SIPA1L1: variants seen among roughly 807,000 people sequenced by gnomAD.
The protein encoded by SIPA1L1 is signal-induced proliferation-associated 1-like protein 1.
SIPA1L1 carries 26 observed loss-of-function variants against 162.7 expected under a neutral mutation model. The observed-to-expected ratio is 0.16, with a 90% CI of 0.12 to 0.22. The LOEUF (loss-of-function observed/expected upper bound fraction) is 0.22, where lower values mean the gene tolerates loss of function less well. Among genes scored for constraint, SIPA1L1 ranks in the 10% least tolerant of loss-of-function variants. SIPA1L1 has a pLI of 1.00. For missense variants in SIPA1L1, 1,874 were observed against 2,241.0 expected (o/e 0.84, Z 3.31); for synonymous variants, 829 against 837.4 (o/e 0.99, Z 0.17).
At chr14:71,590,175 TA>T (rs1276047064) in intron 5 of SIPA1L1, among the ~76,000 whole-genome samples, 3 of 151,474 alleles carry the variant, frequency 2.0e-5, no homozygotes, top group Non-Finnish European at 4.4e-5. Flanking sequence ...CATTGTGATT[TA>T]CCGAAAAGTA....
chr14:71,723,985 A>G, intron 18 of SIPA1L1, 99 bp downstream of exon 18: 1 of 1,444,676 alleles, frequency 6.9e-7, no homozygotes, highest in Non-Finnish European at 9.4e-7. Context: ...AGGCCGGGCT[A>G]GGGGGTTGGC....
chr14:71,619,887 A>G (rs1296017125), intron 6 of SIPA1L1, among the ~76,000 whole-genome samples: 4 of 152,210 alleles, frequency 2.6e-5, no homozygotes, highest in East Asian at 3.8e-4. Context: ...TGTTGTCTAC[A>G]CTGGCCAGAG....
chr14:71,511,850 G>A (rs1255512683), intron 2 of SIPA1L1, among the ~76,000 whole-genome samples: 1 of 152,184 alleles, frequency 6.6e-6, no homozygotes, highest in African/African-American at 2.4e-5. Context: ...GAGTTTTCCA[G>A]AAAACTCTTC....
chr14:71,555,732 G>A (rs549544245), intron 4 of SIPA1L1, among the ~76,000 whole-genome samples: 59 of 152,142 alleles, frequency 3.9e-4, no homozygotes, highest in African/African-American at 1.3e-3. Flanking sequence ...TTCAAGTTTC[G>A]CTTGAACTTA....
intron 4 of SIPA1L1, among the ~76,000 whole-genome samples, chr14:71,562,438 A>G (rs2056869240): frequency 6.6e-6 from 1 of 152,046 alleles, no homozygotes; most frequent in Non-Finnish European, 1.5e-5. Flanking sequence ...TTCATGTTTT[A>G]GTTATATGGA....
intron 5 of SIPA1L1, among the ~76,000 whole-genome samples, chr14:71,596,549 A>G (rs970651248): frequency 6.6e-6 from 1 of 152,348 alleles, no homozygotes. Flanking sequence ...AAAAATTAAA[A>G]TAACTGCACA....
chr14:71,627,660 A>G (rs1170783834), intron 7 of SIPA1L1, among the ~76,000 whole-genome samples: 4 of 152,162 alleles, frequency 2.6e-5, no homozygotes, highest in Admixed American at 6.5e-5. Flanking sequence ...TCATTTTACT[A>G]TGTTCTAATC....
intron 4 of SIPA1L1, among the ~76,000 whole-genome samples, chr14:71,579,691 A>G (rs1361644916): frequency 1.3e-5 from 2 of 152,234 alleles, no homozygotes; most frequent in African/African-American, 4.8e-5. Context: ...TAAGGGAAAT[A>G]TGCTTACTGT....
intron 16 of SIPA1L1, 137 bp downstream of exon 16, chr14:71,705,477 GGCCTT>G (rs2082371768): frequency 1.4e-6 from 1 of 710,142 alleles, no homozygotes; most frequent in South Asian, 1.7e-5. Context: ...TTGCTGCCAT[GGCCTT>G]GCAGTTTCTG....
rs561394977 is a variant in SIPA1L1 at position 71,600,223 on chromosome 14, T to C, written c.1498+10853T>C. ...CCTGGAGCATTTCTCCTTTGCCTTC[T>C]TCTAGTAGCCTTATAGTTTCAGGTC... On this transcript the variant is annotated intron_variant, in intron 5 of 23. Coordinates refer to ENST00000381232, the MANE Select transcript of SIPA1L1 (RefSeq NM_001386936.1). Among the ~76,000 whole-genome samples, 34 of 152,314 alleles carry C rather than the reference T, an allele frequency of 2.2e-4. No individual in the cohort carries two copies. The South Asian group carries it at 6.6e-3, about 30-fold the overall frequency.
At chr14:71,565,807 C>T (rs1234698935) in intron 4 of SIPA1L1, among the ~76,000 whole-genome samples, 1 of 118,570 alleles carries the variant, frequency 8.4e-6, no homozygotes, top group Non-Finnish European at 1.7e-5. Flanking sequence ...TGGAAAACTC[C>T]TTTATAGAAA....
At chr14:71,521,163 C>A (rs866109115) in intron 3 of SIPA1L1, among the ~76,000 whole-genome samples, 2 of 152,146 alleles carry the variant, frequency 1.3e-5, no homozygotes, top group Non-Finnish European at 2.9e-5. Flanking sequence ...AGAAAGATTT[C>A]TTTTTCTTTC....
intron 2 of SIPA1L1, among the ~76,000 whole-genome samples, chr14:71,464,667 AAAAC>A (rs1018894769): frequency 1.6e-4 from 25 of 151,906 alleles, no homozygotes; most frequent in African/African-American, 5.1e-4. Context: ...CAAAACAAAA[AAAAC>A]AAACAGAGTC....
intron 2 of SIPA1L1, among the ~76,000 whole-genome samples, chr14:71,333,123 G>GT (rs1488088895): frequency 3.3e-5 from 5 of 152,124 alleles, no homozygotes; most frequent in African/African-American, 1.2e-4. Context: ...CCTTTCTGTT[G>GT]TTACAGGTAG....
At chr14:71,582,873 A>C (rs551732777) in intron 4 of SIPA1L1, among the ~76,000 whole-genome samples, 1 of 152,334 alleles carries the variant, frequency 6.6e-6, no homozygotes, top group Admixed American at 6.5e-5. Flanking sequence ...TAAATCTTAA[A>C]TTATCCATGA....
intron 4 of SIPA1L1, among the ~76,000 whole-genome samples, chr14:71,581,269 A>T (rs1487379645): frequency 6.6e-6 from 1 of 152,102 alleles, no homozygotes; most frequent in Non-Finnish European, 1.5e-5. Flanking sequence ...GGGCTTAAGA[A>T]ACCCTCCCAC....
intron 4 of SIPA1L1, among the ~76,000 whole-genome samples, chr14:71,534,391 A>C (rs1017479932): frequency 5.3e-5 from 8 of 152,178 alleles, no homozygotes; most frequent in African/African-American, 1.9e-4. Context: ...CGTGGCAGCA[A>C]ATATCTTTTG....
At position 71,685,514 on chromosome 14, in the gene SIPA1L1, A is replaced by G. The variant is rs780084035; in HGVS notation, c.3257A>G (p.Gln1086Arg). 9 of 1,614,102 alleles carry G rather than the reference A, an allele frequency of 5.6e-6. No homozygotes were observed. Among genetic ancestry groups the G allele is most frequent in the Non-Finnish European group, 5.9e-6 (7 of 1,180,038 alleles). The change falls in exon 13 of 24, where the codon CAG (glutamine) becomes CGG (arginine). Residue 1086 changes from glutamine (Q) to arginine (R), a missense_variant. By Grantham distance (43) the Gln-to-Arg change is conservative (BLOSUM62 1). Transcript: ENST00000381232. ...TCACCTCAAGTCCCGTCCCAGGTGC[A>G]GAGTCCCATGACCTCGCGGCTGAAT... ...PHSPQVPSQV[Q>R]SPMTSRLNAG... is the part of the protein sequence containing the mutation.
chr14:71,470,137 A>C (rs1414673554), intron 2 of SIPA1L1, among the ~76,000 whole-genome samples: 2 of 152,226 alleles, frequency 1.3e-5, no homozygotes, highest in African/African-American at 4.8e-5. Flanking sequence ...CTTCACACCA[A>C]GTGGGGAGCT....
Sources: gnomAD v4.1 joint callset for allele counts (sites outside exome capture counted in the v4.1 genomes callset) on GRCh38, gnomAD v4.1.1 for gene constraint, MANE v1.5 for transcripts, NCBI Gene and HGNC (gene_info 2026-07-23, HGNC 2026-07-21) for gene names.